The following IGFL2 variants were observed in gnomAD, a reference collection of about 807,000 sequenced individuals.
IGFL2 encodes insulin growth factor-like family member 2.
A neutral mutation model predicts 13.9 loss-of-function variants in IGFL2; 7 were observed. That is an observed-to-expected ratio of 0.51 (90% confidence interval 0.29 to 0.95). The LOEUF is 0.95. Among genes scored for constraint, IGFL2 ranks in the 40% least tolerant of loss-of-function variants. The pLI is 0.08. For missense variants in IGFL2, 138 were observed against 147.8 expected, an observed-to-expected ratio of 0.93 and a Z score of 0.34; for synonymous variants, 55 against 55.8, an observed-to-expected ratio of 0.99 and a Z score of 0.07.
At chr19:46,100,276 G>A in the IGFL2 span, among the ~76,000 whole-genome samples, 2 of 152,074 alleles carry the variant, frequency 1.3e-5, no homozygotes, top group East Asian at 3.8e-4. Flanking sequence ...AATCTTTGAG[G>A]CTGCTGACTG....
chr19:46,119,813 C>T, the IGFL2 span, among the ~76,000 whole-genome samples: 6 of 150,598 alleles, frequency 4.0e-5, no homozygotes, highest in African/African-American at 1.5e-4. Context: ...GGGGGTGCAG[C>T]TTGCCGGCAA....
At chr19:46,135,024 C>T in the IGFL2 span, among the ~76,000 whole-genome samples, 1 of 152,170 alleles carries the variant, frequency 6.6e-6, no homozygotes, top group South Asian at 2.1e-4. Context: ...TATTCACTGT[C>T]ACTATCTTGA....
At chr19:46,200,859 T>C in the IGFL2 span, 3 of 152,224 alleles carry the variant, frequency 2.0e-5, no homozygotes, top group Admixed American at 6.6e-5. Context: ...GGAAAAAATA[T>C]AAATTCTCCC....
chr19:46,144,150 A>G (rs1268275954), upstream of IGFL2, among the ~76,000 whole-genome samples: 1 of 152,270 alleles, frequency 6.6e-6, no homozygotes, highest in African/African-American at 2.4e-5. Context: ...CTGCCATTGT[A>G]GTGAAGAAGC....
the IGFL2 span, among the ~76,000 whole-genome samples, chr19:46,211,141 A>G: frequency 6.6e-6 from 1 of 152,182 alleles, no homozygotes; most frequent in African/African-American, 2.4e-5. Flanking sequence ...TTCTAGCTTC[A>G]TTCCTGGTTG....
At chr19:46,175,285 A>G in the IGFL2 span, among the ~76,000 whole-genome samples, 62 of 152,308 alleles carry the variant, frequency 4.1e-4, no homozygotes, top group African/African-American at 1.3e-3. Context: ...AGATAATAAA[A>G]TTGAATAATT....
downstream of IGFL2, among the ~76,000 whole-genome samples, chr19:46,162,215 C>G (rs777869826): frequency 2.0e-5 from 3 of 152,176 alleles, no homozygotes; most frequent in Non-Finnish European, 4.4e-5. Flanking sequence ...CTCTAGGTGC[C>G]TTTAACATTC....
At chr19:46,101,056 G>C in the IGFL2 span, 1 of 152,430 alleles carries the variant, frequency 6.6e-6, no homozygotes, top group Admixed American at 6.5e-5. Flanking sequence ...GATGTCACCC[G>C]AGGAAGCTGG....
chr19:46,130,815 A>G, the IGFL2 span, among the ~76,000 whole-genome samples: 2 of 152,094 alleles, frequency 1.3e-5, no homozygotes, highest in African/African-American at 4.8e-5. Flanking sequence ...TAATTTATAA[A>G]TGCTCTTTTT....
the IGFL2 span, chr19:46,124,275 TC>T: frequency 6.2e-7 from 1 of 1,610,796 alleles, no homozygotes; most frequent in African/African-American, 1.4e-5. Flanking sequence ...TACCTGTAGT[TC>T]CTTTTGAACA....
the IGFL2 span, chr19:46,210,208 G>A: frequency 3.9e-5 from 6 of 152,168 alleles, no homozygotes; most frequent in African/African-American, 7.2e-5. Flanking sequence ...TAACATCCAC[G>A]GTGCTATCGG....
chr19:46,137,102 C>A, the IGFL2 span: 2 of 1,607,512 alleles, frequency 1.2e-6, no homozygotes, highest in Non-Finnish European at 1.7e-6. Flanking sequence ...CAATGGCCTC[C>A]CTAGGGTTGG....
At chr19:46,090,666 A>G in the IGFL2 span, among the ~76,000 whole-genome samples, 4 of 152,218 alleles carry the variant, frequency 2.6e-5, no homozygotes, top group African/African-American at 9.6e-5. Flanking sequence ...AGGCTGGCAC[A>G]GAGCTGGCAT....
chr19:46,080,716 C>G, the IGFL2 span, among the ~76,000 whole-genome samples: 12 of 152,198 alleles, frequency 7.9e-5, no homozygotes, highest in African/African-American at 2.9e-4. Flanking sequence ...TTTCAGACTT[C>G]TGTCAGGAAA....
upstream of IGFL2, among the ~76,000 whole-genome samples, chr19:46,145,596 A>ATG (rs1287833769): frequency 2.9e-3 from 169 of 58,600 alleles, no homozygotes; most frequent in African/African-American, 9.7e-3. Context: ...ACACACTCAT[A>ATG]TATATGTGTG....
chr19:46,215,358 AT>A, the IGFL2 span, among the ~76,000 whole-genome samples: 2 of 152,206 alleles, frequency 1.3e-5, no homozygotes, highest in South Asian at 4.1e-4. Flanking sequence ...TCTTCATAAA[AT>A]ATACATGATC....
intron 1 of IGFL2, among the ~76,000 whole-genome samples, chr19:46,156,862 A>G (rs918731247): frequency 2.0e-5 from 3 of 152,178 alleles, no homozygotes; most frequent in Non-Finnish European, 4.4e-5. Context: ...AATTCTTTGA[A>G]AAGATCAATA....
the IGFL2 span, among the ~76,000 whole-genome samples, chr19:46,191,643 T>A: frequency 6.6e-6 from 1 of 152,126 alleles, no homozygotes; most frequent in Non-Finnish European, 1.5e-5. Context: ...CTCTCCTTTT[T>A]TTCTCCAAAA....
chr19:46,135,770 G>A, the IGFL2 span, among the ~76,000 whole-genome samples: 5 of 152,186 alleles, frequency 3.3e-5, no homozygotes, highest in African/African-American at 7.2e-5. Flanking sequence ...TCCTGACTCC[G>A]TATCTCTTTT....
Sources: allele counts gnomAD v4.1 joint callset (sites outside exome capture counted in the v4.1 genomes callset), GRCh38; gene constraint gnomAD v4.1.1; transcripts MANE v1.5; gene names NCBI Gene and HGNC (gene_info 2026-07-23, HGNC 2026-07-21).